Variants in NECTIN3 observed in about 807,000 individuals in gnomAD.
NECTIN3 encodes the protein nectin cell adhesion molecule 3.
In NECTIN3, 8 loss-of-function variants were observed where a neutral mutation model predicts 49.4. The observed-to-expected ratio is 0.16, with a 90% CI of 0.10 to 0.29. The LOEUF (loss-of-function observed/expected upper bound fraction) is 0.29. NECTIN3 is among the 10% of genes least tolerant of loss of function. NECTIN3 has a pLI of 1.00. For synonymous variants in NECTIN3, 277 were observed against 241.1 expected (o/e 1.15, Z -1.38); for missense variants, 581 against 654.6 (o/e 0.89, Z 1.23).
At chr3:111,185,476 G>C (rs1029365954) in intron 7 of NECTIN3, among the ~76,000 whole-genome samples, 7 of 145,584 alleles carry the variant, frequency 4.8e-5, no homozygotes, top group Non-Finnish European at 1.0e-4. Flanking sequence ...GGTTAGTCTG[G>C]TATTAGTTCT....
intron 7 of NECTIN3, among the ~76,000 whole-genome samples, chr3:111,155,339 A>G (rs1351891897): frequency 6.6e-6 from 1 of 152,122 alleles, no homozygotes; most frequent in African/African-American, 2.4e-5. Context: ...TGGAGGATCT[A>G]TTTTTCTTAG....
chr3:111,145,159 T>G, intron 6 of NECTIN3: 2 of 1,123,464 alleles, frequency 1.8e-6, no homozygotes, highest in Non-Finnish European at 2.5e-6. Context: ...GTTAGGCCTT[T>G]GTTAGATGAC....
chr3:111,175,887 T>C (rs2035519400), intron 7 of NECTIN3, among the ~76,000 whole-genome samples: 1 of 152,240 alleles, frequency 6.6e-6, no homozygotes, highest in Non-Finnish European at 1.5e-5. Flanking sequence ...TGTTAAATGT[T>C]TTTTTGCATT....
chr3:111,102,047 A>T (rs1008911053), intron 1 of NECTIN3, among the ~76,000 whole-genome samples: 4 of 152,124 alleles, frequency 2.6e-5, no homozygotes, highest in Non-Finnish European at 1.5e-5. Flanking sequence ...ACTGTCCCTT[A>T]TAATTTATAT....
At position 111,134,683 on chromosome 3, in the gene NECTIN3, T is replaced by C. The variant is rs1427909732; in HGVS notation, c.*468T>C. The C allele has an allele frequency of 2.0e-5, 17 of 849,842 alleles. No homozygotes were observed. The highest frequency in any genetic ancestry group is 2.3e-5 in the Non-Finnish European group (16 of 706,930). 52.6% of individuals were successfully genotyped at this position (849,842 alleles called of 1,614,324 possible). A position where few individuals can be genotyped will look rare whatever the true frequency, so the allele number is the denominator to read the frequency against. On this transcript the variant is annotated 3_prime_UTR_variant, in exon 6 of 6. Coordinates refer to ENST00000485303, the MANE Select transcript of NECTIN3 (RefSeq NM_015480.3). ...GACTATAAAACTAATTCAAGAAATA[T>C]TTATATATATTTTTTAATATACAAA...
At chr3:111,147,577 C>A in intron 7 of NECTIN3, 2 of 1,055,246 alleles carry the variant, frequency 1.9e-6, no homozygotes, top group South Asian at 3.3e-5. Context: ...GTTGTTTAGT[C>A]ATTATGCATT....
rs114992941 is a variant in NECTIN3, at chr3:111,132,082, G to A, written c.1070-1553G>A. ...TTCTAATGCTGTGAAGTTGCATTAC[G>A]TGAGACTTTACTACTTCTATATTAG... On this transcript the variant is annotated intron_variant, in intron 5 of 5. Coordinates refer to ENST00000485303, the MANE Select transcript of NECTIN3 (RefSeq NM_015480.3). 4.7e-3 allele frequency among the ~76,000 whole-genome samples: 714 copies of A among 151,742 alleles called. 6 individuals carry two copies. Among genetic ancestry groups the A allele is most frequent in the African/African-American group, 0.016 (667 of 41,498 alleles).
At chr3:111,156,034 G>GT (rs977872613) in intron 7 of NECTIN3, among the ~76,000 whole-genome samples, 14 of 152,100 alleles carry the variant, frequency 9.2e-5, no homozygotes, top group African/African-American at 2.9e-4. Context: ...TTATGTCCTT[G>GT]TGCCAGTATG....
At chr3:111,147,756 C>T (rs1204757622) in intron 7 of NECTIN3, among the ~76,000 whole-genome samples, 1 of 152,098 alleles carries the variant, frequency 6.6e-6, no homozygotes, top group Non-Finnish European at 1.5e-5. Flanking sequence ...GACAAATCAA[C>T]ATTATATTAG....
chr3:111,170,763 G>T lies in NECTIN3; in HGVS notation c.1222-21588G>T, dbSNP rs182442748. On this transcript the variant is annotated intron_variant, in intron 7 of 8. Transcript: ENST00000493615. ...GGATGAAGCACCTGATGAGCTATCT[G>T]GGATGATCATATATTGAGGGTGGGA... Among the ~76,000 whole-genome samples the T allele has an allele frequency of 2.9e-4, 44 of 152,232 alleles. No individual in the cohort carries two copies. In the East Asian group the frequency reaches 8.3e-3, roughly 29 times the overall value.
At position 111,169,370 on chromosome 3, in the gene NECTIN3, G is replaced by A. The variant is rs1040980449; in HGVS notation, c.1221+21886G>A. On this transcript the variant is annotated intron_variant, in intron 7 of 8. Transcript: ENST00000493615. ...CTCCCAAAGTGCTGGGATTACAAAC[G>A]CAAACTTTTTTTTTTTTTTTTTTTT... Among the ~76,000 whole-genome samples, 7 of 138,944 alleles carry A rather than the reference G, an allele frequency of 5.0e-5. No individual in the cohort carries two copies. In the East Asian group the frequency reaches 8.5e-4, roughly 17 times the overall value. 91.2% of individuals were successfully genotyped at this position (138,944 alleles called of 152,430 possible). A position where few individuals can be genotyped will look rare whatever the true frequency, so the allele number is the denominator to read the frequency against.
chr3:111,079,178 C>A (rs2031433422), intron 1 of NECTIN3, among the ~76,000 whole-genome samples: 1 of 151,982 alleles, frequency 6.6e-6, no homozygotes, highest in Admixed American at 6.6e-5. Context: ...GTGAATTATT[C>A]ATGATAGACA....
chr3:111,193,372 A>G (rs867847254), intron 1 of NECTIN3: 2 of 1,531,930 alleles, frequency 1.3e-6, no homozygotes, highest in South Asian at 1.2e-5. Context: ...CGAGAACATT[A>G]TGTGTGATTT....
chr3:111,175,528 A>AG (rs1319439914), intron 7 of NECTIN3, among the ~76,000 whole-genome samples: 3 of 152,104 alleles, frequency 2.0e-5, no homozygotes, highest in Non-Finnish European at 4.4e-5. Context: ...AAATTCCTGG[A>AG]GGACAGGGCC....
chr3:111,170,336 A>G (rs976462169), intron 7 of NECTIN3, among the ~76,000 whole-genome samples: 6 of 152,186 alleles, frequency 3.9e-5, no homozygotes, highest in African/African-American at 2.4e-5. Flanking sequence ...CATTGTTACA[A>G]GCACTTTACA....
chr3:111,161,631 G>A (rs1213468877), intron 7 of NECTIN3, among the ~76,000 whole-genome samples: 1 of 152,164 alleles, frequency 6.6e-6, no homozygotes, highest in Non-Finnish European at 1.5e-5. Flanking sequence ...GCTGTGAACT[G>A]CGCATGCAAG....
chr3:111,134,348 A>G lies in NECTIN3; in HGVS notation c.*133A>G. On this transcript the variant is annotated 3_prime_UTR_variant, in exon 6 of 6. Transcript: ENST00000485303. Reference sequence around the variant, plus strand: ...TTTTCAAGCTTACTTTTTATATTCTAATCTGACAAATGAAAATGTAAAATC... The same window carrying G: ...TTTTCAAGCTTACTTTTTATATTCTGATCTGACAAATGAAAATGTAAAATC... The G allele has an allele frequency of 7.1e-7, 1 of 1,415,280 alleles. No homozygotes were observed. The highest frequency in any genetic ancestry group is 3.2e-5 in the Admixed American group (1 of 31,540). The allele number at this position is 1,415,280 out of a possible 1,614,324, so 87.7% of individuals were successfully genotyped here.
At chr3:111,160,276 A>G (rs1368127664) in intron 7 of NECTIN3, among the ~76,000 whole-genome samples, 1 of 152,192 alleles carries the variant, frequency 6.6e-6, no homozygotes. Context: ...CTGTCAATTC[A>G]GACATCTTCC....
chr3:111,116,979 G>A (rs994274950), intron 2 of NECTIN3, among the ~76,000 whole-genome samples: 1 of 151,980 alleles, frequency 6.6e-6, no homozygotes, highest in Non-Finnish European at 1.5e-5. Flanking sequence ...CAATTCTAGG[G>A]ATATACTTGT....
Sources: gnomAD v4.1 joint callset for allele counts (sites outside exome capture counted in the v4.1 genomes callset) on GRCh38, gnomAD v4.1.1 for gene constraint, MANE v1.5 for transcripts, NCBI Gene and HGNC (gene_info 2026-07-23, HGNC 2026-07-21) for gene names.